OR2L13: variants seen among roughly 807,000 people sequenced by gnomAD.
OR2L13 encodes the protein olfactory receptor 2L13.
Under a neutral mutation model 15.3 loss-of-function variants are expected in OR2L13, and 14 were observed. The ratio of observed to expected loss-of-function variants is 0.91; its 90% CI spans 0.60 to 1.43. OR2L13 has a LOEUF of 1.43. Among genes scored for constraint, OR2L13 ranks in the 40% most tolerant of loss-of-function variants. The pLI, the probability that OR2L13 is intolerant of heterozygous loss-of-function variation, is 0.00. For synonymous variants in OR2L13, 152 were observed against 142.9 expected (o/e 1.06, Z -0.45); for missense variants, 367 against 387.9 (o/e 0.95, Z 0.45).
chr1:248,077,802 A>G, the OR2L13 span, among the ~76,000 whole-genome samples: 5 of 152,312 alleles, frequency 3.3e-5, no homozygotes, highest in South Asian at 4.1e-4. Context: ...AGGTAACTAT[A>G]TATTTATTAG....
the OR2L13 span, among the ~76,000 whole-genome samples, chr1:248,047,377 A>C: frequency 2.6e-5 from 4 of 152,182 alleles, no homozygotes; most frequent in Admixed American, 2.6e-4. Flanking sequence ...ATGCCTGGAA[A>C]GTATTAGTGT....
At chr1:248,034,132 A>G in the OR2L13 span, among the ~76,000 whole-genome samples, 7 of 152,244 alleles carry the variant, frequency 4.6e-5, no homozygotes, top group African/African-American at 1.4e-4. Flanking sequence ...AAGGAAAACT[A>G]CAAAACACTG....
At chr1:248,095,606 G>GATTTTTTTTTTTTTTTTTT (rs1476154907), upstream of OR2L13, among the ~76,000 whole-genome samples, 1 of 6,628 alleles carries the variant, frequency 1.5e-4, no homozygotes, top group Non-Finnish European at 4.9e-4. Context: ...TAAAGCTGCT[G>GATTTTTTTTTTTTTTTTTT]CTTTTTTTTT....
chr1:248,022,231 G>A, the OR2L13 span: 4 of 1,614,040 alleles, frequency 2.5e-6, no homozygotes, highest in South Asian at 3.3e-5. Flanking sequence ...TCCTTCATTG[G>A]GTGTGGGATT....
the OR2L13 span, among the ~76,000 whole-genome samples, chr1:248,071,103 G>A: frequency 1.3e-5 from 2 of 152,038 alleles, no homozygotes; most frequent in Non-Finnish European, 2.9e-5. Context: ...AGAAAAAGAG[G>A]GAATCCTCCC....
At chr1:248,025,963 G>T in the OR2L13 span, among the ~76,000 whole-genome samples, 1 of 141,670 alleles carries the variant, frequency 7.1e-6, no homozygotes, top group Admixed American at 6.9e-5. Context: ...GTGGGGGGAG[G>T]GGGGAAGGAT....
chr1:248,025,367 A>G, the OR2L13 span, among the ~76,000 whole-genome samples: 7 of 148,582 alleles, frequency 4.7e-5, no homozygotes, highest in South Asian at 6.3e-4. Flanking sequence ...ATCACTGGCC[A>G]TCAGAGAAAT....
At chr1:248,070,445 A>G in the OR2L13 span, among the ~76,000 whole-genome samples, 7 of 152,208 alleles carry the variant, frequency 4.6e-5, no homozygotes, top group African/African-American at 1.7e-4. Flanking sequence ...AAGACACAAC[A>G]TACCAGAATC....
chr1:247,949,979 T>G, the OR2L13 span, among the ~76,000 whole-genome samples: 1 of 152,156 alleles, frequency 6.6e-6, no homozygotes, highest in Non-Finnish European at 1.5e-5. Context: ...ACCTTTTTTC[T>G]TGATGGCCTT....
At chr1:248,003,919 C>A in the OR2L13 span, 3 of 1,612,890 alleles carry the variant, frequency 1.9e-6, no homozygotes, top group Non-Finnish European at 2.5e-6. Flanking sequence ...GTCCAAGATC[C>A]CTGTAATCTC....
the OR2L13 span, among the ~76,000 whole-genome samples, chr1:248,080,072 G>T: frequency 1.3e-5 from 2 of 152,018 alleles, no homozygotes; most frequent in African/African-American, 4.8e-5. Flanking sequence ...TATCGACTTG[G>T]AAGAGACAAA....
chr1:247,958,038 T>C, the OR2L13 span, among the ~76,000 whole-genome samples: 3 of 152,142 alleles, frequency 2.0e-5, no homozygotes, highest in Admixed American at 6.5e-5. Flanking sequence ...GATGTTAGGG[T>C]GTCAATTTTA....
the OR2L13 span, among the ~76,000 whole-genome samples, chr1:247,957,410 T>C: frequency 2.7e-4 from 41 of 152,292 alleles, no homozygotes; most frequent in Middle Eastern, 3.4e-3. Context: ...TTCTCTTTTT[T>C]TGTTGTGTCT....
chr1:248,003,778 C>A, the OR2L13 span: 3 of 1,613,886 alleles, frequency 1.9e-6, no homozygotes, highest in Non-Finnish European at 2.5e-6. Flanking sequence ...TTTCATGTTC[C>A]TATGGCCGGG....
chr1:248,044,416 C>T, the OR2L13 span, among the ~76,000 whole-genome samples: 1 of 152,140 alleles, frequency 6.6e-6, no homozygotes, highest in Non-Finnish European at 1.5e-5. Flanking sequence ...CAGGATGCAG[C>T]GTCTTCATCT....
chr1:248,029,641 C>A, the OR2L13 span, among the ~76,000 whole-genome samples: 1 of 152,074 alleles, frequency 6.6e-6, no homozygotes, highest in Non-Finnish European at 1.5e-5. Context: ...TTAATAATTT[C>A]TACTTATGTG....
the OR2L13 span, chr1:248,038,728 A>G: frequency 6.2e-7 from 1 of 1,613,798 alleles, no homozygotes; most frequent in Non-Finnish European, 8.5e-7. Flanking sequence ...AGCTCTATCA[A>G]CTCTTGTGCT....
chr1:248,038,293 C>A, the OR2L13 span: 1 of 1,611,030 alleles, frequency 6.2e-7, no homozygotes, highest in Non-Finnish European at 8.5e-7. Context: ...CAAACATCAA[C>A]TGATTTCATC....
upstream of OR2L13, among the ~76,000 whole-genome samples, chr1:248,095,606 G>GTTTTTTTTTTTTTTTTTTTTTTTTTT (rs1476154907): frequency 3.5e-3 from 23 of 6,622 alleles, no homozygotes; most frequent in South Asian, 0.012. Flanking sequence ...TAAAGCTGCT[G>GTTTTTTTTTTTTTTTTTTTTTTTTTT]CTTTTTTTTT....
Sources: gnomAD v4.1 joint callset for allele counts (sites outside exome capture counted in the v4.1 genomes callset) on GRCh38, gnomAD v4.1.1 for gene constraint, MANE v1.5 for transcripts, NCBI Gene and HGNC (gene_info 2026-07-23, HGNC 2026-07-21) for gene names.